The following RAB11FIP4 variants were observed in gnomAD, a reference collection of about 807,000 sequenced individuals.
RAB11FIP4 encodes the protein rab11 family-interacting protein 4.
RAB11FIP4 carries 23 observed loss-of-function variants against 74.3 expected under a neutral mutation model. The observed-to-expected ratio is 0.31, with a 90% CI of 0.22 to 0.44. RAB11FIP4 has a LOEUF of 0.44. RAB11FIP4 is among the 20% of genes least tolerant of loss of function. RAB11FIP4 has a pLI of 1.00. For missense variants in RAB11FIP4, 630 were observed against 863.9 expected, an observed-to-expected ratio of 0.73 and a Z score of 3.39; for synonymous variants, 360 against 359.9, an observed-to-expected ratio of 1.00 and a Z score of 0.00.
intron 1 of RAB11FIP4, among the ~76,000 whole-genome samples, chr17:31,430,485 G>C (rs910844962): frequency 6.6e-6 from 1 of 151,080 alleles, no homozygotes. Flanking sequence ...AGCCTCCCGA[G>C]TAGCTAGGAC....
chr17:31,455,973 C>T (rs970321969), intron 3 of RAB11FIP4, among the ~76,000 whole-genome samples: 1 of 152,234 alleles, frequency 6.6e-6, no homozygotes, highest in East Asian at 1.9e-4. Flanking sequence ...CATGTGATAT[C>T]GGAGAAAGTC....
intron 3 of RAB11FIP4, among the ~76,000 whole-genome samples, chr17:31,447,452 G>A (rs1378028237): frequency 6.6e-6 from 1 of 152,192 alleles, no homozygotes; most frequent in Non-Finnish European, 1.5e-5. Context: ...AACAGAGCAA[G>A]ATCTCATCTC....
chr17:31,433,957 A>G, intron 2 of RAB11FIP4, 77 bp from the exon 3 acceptor site: 2 of 1,392,058 alleles, frequency 1.4e-6, no homozygotes, highest in Non-Finnish European at 2.0e-6. Context: ...CCCTATGCCC[A>G]TTAGTCAGAA....
intron 1 of RAB11FIP4, among the ~76,000 whole-genome samples, chr17:31,403,404 C>T (rs1437464920): frequency 6.6e-6 from 1 of 151,648 alleles, no homozygotes. Flanking sequence ...CTCACTGCAA[C>T]CTCTGCCTCC....
At chr17:31,518,765 T>A (rs547519481) in intron 4 of RAB11FIP4, 19 of 152,474 alleles carry the variant, frequency 1.2e-4, no homozygotes, top group African/African-American at 4.3e-4. Flanking sequence ...ACATATGTGT[T>A]AGGAAATGCC....
chr17:31,498,087 C>T lies in RAB11FIP4; in HGVS notation c.337-19564C>T, dbSNP rs146110382. ...CTGAGACCTGCTGGAAGGGGCTTTG[C>T]GAGCTGCTCTCAGGAGCTGGGCCTG... is the stretch of plus-strand genomic sequence containing the variant. On this transcript the variant is annotated intron_variant, in intron 3 of 14. Transcript: ENST00000621161. 5.1e-3 allele frequency among the ~76,000 whole-genome samples: 779 copies of T among 152,156 alleles called. 1 individual carries two copies. The highest frequency in any genetic ancestry group is 7.3e-3 in the South Asian group (35 of 4,812).
chr17:31,464,322 G>A (rs1277528422), intron 3 of RAB11FIP4, among the ~76,000 whole-genome samples: 1 of 152,002 alleles, frequency 6.6e-6, no homozygotes, highest in Non-Finnish European at 1.5e-5. Flanking sequence ...CAGAGCAGCT[G>A]TTACTGTCAT....
intron 3 of RAB11FIP4, among the ~76,000 whole-genome samples, chr17:31,444,221 C>T (rs1262901583): frequency 6.6e-6 from 1 of 152,164 alleles, no homozygotes; most frequent in Non-Finnish European, 1.5e-5. Context: ...CTGTGATTCA[C>T]TGTGCTGGTG....
chr17:31,519,426 C>T (rs538671303), intron 4 of RAB11FIP4, among the ~76,000 whole-genome samples: 1 of 152,278 alleles, frequency 6.6e-6, no homozygotes, highest in East Asian at 1.9e-4. Context: ...AAGTGACTTC[C>T]CAGTGAAGCA....
intron 4 of RAB11FIP4, among the ~76,000 whole-genome samples, chr17:31,519,385 G>A (rs571232908): frequency 3.3e-5 from 5 of 152,256 alleles, no homozygotes; most frequent in Admixed American, 2.6e-4. Flanking sequence ...CCCATAATCA[G>A]AAATGTTATT....
intron 1 of RAB11FIP4, among the ~76,000 whole-genome samples, chr17:31,414,648 G>A (rs1302075176): frequency 3.3e-5 from 5 of 152,202 alleles, no homozygotes; most frequent in Non-Finnish European, 2.9e-5. Context: ...CTTCCCAGGA[G>A]GCGGTGGCCT....
intron 3 of RAB11FIP4, among the ~76,000 whole-genome samples, chr17:31,453,845 TCTC>T (rs1356329750): frequency 6.7e-6 from 1 of 148,856 alleles, no homozygotes; most frequent in African/African-American, 2.5e-5. Flanking sequence ...CATGGAAGGC[TCTC>T]CGCACTGTGG....
intron 3 of RAB11FIP4, among the ~76,000 whole-genome samples, chr17:31,441,939 A>G (rs1215802369): frequency 6.6e-6 from 1 of 152,066 alleles, no homozygotes; most frequent in Non-Finnish European, 1.5e-5. Flanking sequence ...TGGCAACATG[A>G]TATTTCATCA....
At chr17:31,502,518 G>T (rs62063887) in intron 3 of RAB11FIP4, among the ~76,000 whole-genome samples, 64,728 of 151,994 alleles carry the variant, frequency 0.43, 13,920 homozygotes, top group East Asian at 0.56. Flanking sequence ...GACAGAGGTT[G>T]CAGTGAGCTG....
chr17:31,405,404 C>G (rs1203007909), intron 1 of RAB11FIP4, among the ~76,000 whole-genome samples: 1 of 151,938 alleles, frequency 6.6e-6, no homozygotes, highest in Non-Finnish European at 1.5e-5. Flanking sequence ...GAGTCTCGCT[C>G]TGTCGCCCAG....
intron 4 of RAB11FIP4, 50 bp from the exon 5 acceptor site, chr17:31,521,116 G>A (rs758862137): frequency 7.1e-7 from 1 of 1,408,746 alleles, no homozygotes; most frequent in East Asian, 2.5e-5. Context: ...ACGGGCTGTG[G>A]CTGGGGACCC....
chr17:31,400,990 C>G (rs1011109976), intron 1 of RAB11FIP4, among the ~76,000 whole-genome samples: 16 of 152,178 alleles, frequency 1.1e-4, no homozygotes, highest in African/African-American at 3.4e-4. Context: ...GAGGCTTGGC[C>G]GGGAGCGGTG....
At chr17:31,487,449 A>T (rs926891635) in intron 3 of RAB11FIP4, among the ~76,000 whole-genome samples, 3 of 148,030 alleles carry the variant, frequency 2.0e-5, no homozygotes, top group African/African-American at 7.4e-5. Flanking sequence ...TTCAACAGGA[A>T]GGGTCCTCTC....
intron 1 of RAB11FIP4, among the ~76,000 whole-genome samples, chr17:31,397,540 C>T (rs1229493012): frequency 6.6e-6 from 1 of 152,180 alleles, no homozygotes; most frequent in Non-Finnish European, 1.5e-5. Flanking sequence ...AGAAGGAAGG[C>T]CCAGGTGCCC....
Sources: allele counts gnomAD v4.1 joint callset (sites outside exome capture counted in the v4.1 genomes callset), GRCh38; gene constraint gnomAD v4.1.1; transcripts MANE v1.5; gene names NCBI Gene and HGNC (gene_info 2026-07-23, HGNC 2026-07-21).